GPHN: variants seen among roughly 807,000 people sequenced by gnomAD.
GPHN encodes the protein gephyrin.
In GPHN, 17 loss-of-function variants were observed where a neutral mutation model predicts 95.5. The observed-to-expected ratio is 0.18, with a 90% confidence interval of 0.12 to 0.27. The LOEUF (loss-of-function observed/expected upper bound fraction) is 0.27. GPHN is among the 10% of genes least tolerant of loss of function. GPHN has a pLI of 1.00. For missense variants in GPHN, 660 were observed against 978.1 expected, an observed-to-expected ratio of 0.67 and a Z score of 4.34; for synonymous variants, 320 against 322.5, an observed-to-expected ratio of 0.99 and a Z score of 0.08.
chr14:66,572,726 T>C (rs139057421), intron 1 of GPHN, among the ~76,000 whole-genome samples: 139 of 152,296 alleles, frequency 9.1e-4, no homozygotes, highest in African/African-American at 3.2e-3. Context: ...AACTTCTTCC[T>C]TTCCAATTTT....
intron 12 of GPHN, among the ~76,000 whole-genome samples, chr14:67,097,644 C>T (rs1461907611): frequency 6.6e-6 from 1 of 152,146 alleles, no homozygotes; most frequent in Non-Finnish European, 1.5e-5. Flanking sequence ...CTTTTCATGA[C>T]TCTCCAGTGT....
the GPHN span, chr14:67,586,988 A>T: frequency 3.9e-6 from 6 of 1,528,216 alleles, no homozygotes; most frequent in African/African-American, 8.3e-5. Context: ...GAGGCCCAGG[A>T]ACTCAGCATA....
chr14:66,992,139 A>G (rs1305754408), intron 9 of GPHN, among the ~76,000 whole-genome samples: 4 of 152,136 alleles, frequency 2.6e-5, no homozygotes, highest in African/African-American at 7.2e-5. Context: ...TACTCAGTTT[A>G]TGTATTATGA....
chr14:66,965,589 G>A lies in GPHN; in HGVS notation c.963+264G>A, dbSNP rs72730428. Among the ~76,000 whole-genome samples, 1,340 of 152,172 alleles carry A rather than the reference G, an allele frequency of 8.8e-3. 12 individuals carry two copies. Among genetic ancestry groups the A allele is most frequent in the Non-Finnish European group, 0.014 (964 of 67,994 alleles). ...TTTCTGTAGCTCCTGTTTCTTTGTT[G>A]TAGATTTGTTATTTTTTAGTATACT... On this transcript the variant is annotated intron_variant, in intron 9 of 22. Coordinates refer to ENST00000478722, the MANE Select transcript of GPHN (RefSeq NM_020806.5).
At chr14:67,305,476 T>A in the GPHN span, among the ~76,000 whole-genome samples, 2 of 152,174 alleles carry the variant, frequency 1.3e-5, no homozygotes, top group Admixed American at 1.3e-4. Flanking sequence ...GAGATGGCTT[T>A]CACTATGTTG....
At chr14:67,108,748 T>TGTGTGTGG (rs1567342950) in intron 13 of GPHN, among the ~76,000 whole-genome samples, 1 of 151,484 alleles carries the variant, frequency 6.6e-6, no homozygotes, top group Non-Finnish European at 1.5e-5. Context: ...TGTGTGTGTG[T>TGTGTGTGG]GTGTGGTTTA....
At chr14:67,599,955 A>G in the GPHN span, 255 of 1,342,108 alleles carry the variant, frequency 1.9e-4, no homozygotes, top group African/African-American at 3.6e-3. Context: ...GCTCGACCAA[A>G]GACCCCAAAG....
At chr14:66,532,124 C>G (rs753794420) in intron 1 of GPHN, among the ~76,000 whole-genome samples, 2 of 152,172 alleles carry the variant, frequency 1.3e-5, no homozygotes, top group Non-Finnish European at 2.9e-5. Flanking sequence ...GCATGTGAAT[C>G]GAACTTTTAT....
chr14:66,685,842 A>G (rs2067318336), intron 2 of GPHN, among the ~76,000 whole-genome samples: 1 of 152,196 alleles, frequency 6.6e-6, no homozygotes, highest in Non-Finnish European at 1.5e-5. Flanking sequence ...CCTGAATGGT[A>G]TTGCCTAGGT....
chr14:67,253,671 C>T, the GPHN span, among the ~76,000 whole-genome samples: 3 of 151,834 alleles, frequency 2.0e-5, no homozygotes, highest in Admixed American at 2.0e-4. Flanking sequence ...ATAGTGGGAC[C>T]CTGTACCTAC....
the GPHN span, among the ~76,000 whole-genome samples, chr14:67,434,013 C>CA: frequency 1.3e-5 from 2 of 152,016 alleles, no homozygotes; most frequent in Non-Finnish European, 2.9e-5. Context: ...AAAGCAAACA[C>CA]AAAAATGAAA....
At chr14:67,329,869 AATAAATAAATAG>A in the GPHN span, among the ~76,000 whole-genome samples, 1 of 110,572 alleles carries the variant, frequency 9.0e-6, no homozygotes, top group African/African-American at 5.4e-5. Flanking sequence ...TAAATAAATA[AATAAATAAATAG>A]ATATAGAAAC....
chr14:66,845,625 A>AGGGAACCAGGTCATGTTTAG (rs1295181703), intron 4 of GPHN, among the ~76,000 whole-genome samples: 4 of 152,302 alleles, frequency 2.6e-5, no homozygotes, highest in Admixed American at 6.5e-5. Flanking sequence ...GACTAAGATG[A>AGGGAACCAGGTCATGTTTAG]GGGAACCAGG....
chr14:66,727,480 C>T (rs1481153830), intron 2 of GPHN, among the ~76,000 whole-genome samples: 2 of 152,174 alleles, frequency 1.3e-5, no homozygotes, highest in Admixed American at 1.3e-4. Context: ...TCCCTAGAGA[C>T]TCGTTGAGTG....
chr14:67,709,321 A>G, the GPHN span, among the ~76,000 whole-genome samples: 1 of 152,246 alleles, frequency 6.6e-6, no homozygotes, highest in Non-Finnish European at 1.5e-5. Flanking sequence ...CCAAACAATA[A>G]GCCCTAATAA....
chr14:66,710,345 C>CT (rs1224272876), intron 2 of GPHN, among the ~76,000 whole-genome samples: 2 of 152,032 alleles, frequency 1.3e-5, no homozygotes, highest in Non-Finnish European at 2.9e-5. Flanking sequence ...TCTGAGAATT[C>CT]TTTTTTCCAA....
chr14:66,680,082 A>T (rs1165554375), intron 1 of GPHN, among the ~76,000 whole-genome samples: 1 of 152,234 alleles, frequency 6.6e-6, no homozygotes. Context: ...TATGAATCTT[A>T]CTGCATCAAG....
chr14:67,039,271 C>CA (rs1173196618), intron 10 of GPHN, among the ~76,000 whole-genome samples: 3 of 152,154 alleles, frequency 2.0e-5, no homozygotes, highest in African/African-American at 7.2e-5. Context: ...TCTCCAGTTT[C>CA]ATATGTTCTT....
chr14:66,948,042 AATAATG>A (rs2067864958), intron 8 of GPHN, among the ~76,000 whole-genome samples: 1 of 152,342 alleles, frequency 6.6e-6, no homozygotes, highest in Non-Finnish European at 1.5e-5. Flanking sequence ...AAATGAATAT[AATAATG>A]ATAATAGAGA....
Sources: allele counts gnomAD v4.1 joint callset (sites outside exome capture counted in the v4.1 genomes callset), GRCh38; gene constraint gnomAD v4.1.1; transcripts MANE v1.5; gene names NCBI Gene and HGNC (gene_info 2026-07-23, HGNC 2026-07-21).